The following DPYD variants were observed in gnomAD, a reference collection of about 807,000 sequenced individuals.
DPYD encodes dihydropyrimidine dehydrogenase [NADP(+)].
A neutral mutation model predicts 116.2 loss-of-function variants in DPYD; 109 were observed. That is an observed-to-expected ratio of 0.94 (90% CI 0.80 to 1.10). The LOEUF (loss-of-function observed/expected upper bound fraction) is 1.10, where lower values mean the gene tolerates loss of function less well. DPYD is among the 50% of genes least tolerant of loss of function. The pLI, the probability that DPYD is intolerant of heterozygous loss-of-function variation, is 0.00. For missense variants in DPYD, 1,302 were observed against 1,254.5 expected (o/e 1.04, Z -0.57); for synonymous variants, 440 against 432.0 (o/e 1.02, Z -0.23).
rs530181747 is a variant in DPYD at position 97,804,508 on chromosome 1, T to C, written c.233+23606A>G. On this transcript the variant is annotated intron_variant, in intron 3 of 22. Coordinates refer to ENST00000370192, the MANE Select transcript of DPYD (RefSeq NM_000110.4). ...AACATTTATTTCATAAAACATTAAT[T>C]AGACAAATTCTACAGTGTATTTTGA... Among the ~76,000 whole-genome samples the C allele has an allele frequency of 2.1e-4, 32 of 151,976 alleles. No homozygotes were observed. The South Asian group carries it at 5.2e-3, about 25-fold the overall frequency.
intron 11 of DPYD, among the ~76,000 whole-genome samples, chr1:97,564,583 G>A (rs1015757141): frequency 2.0e-5 from 3 of 152,004 alleles, no homozygotes; most frequent in African/African-American, 7.2e-5. Flanking sequence ...TGCTTCAGTT[G>A]TTCAATAGCA....
intron 3 of DPYD, among the ~76,000 whole-genome samples, chr1:97,819,173 G>T (rs941000559): frequency 6.6e-6 from 1 of 151,918 alleles, no homozygotes; most frequent in Non-Finnish European, 1.5e-5. Context: ...TTCTGTAATA[G>T]AAATGATAAA....
At chr1:97,880,727 A>C (rs539698180) in intron 2 of DPYD, among the ~76,000 whole-genome samples, 29 of 151,950 alleles carry the variant, frequency 1.9e-4, no homozygotes, top group Non-Finnish European at 3.5e-4. Flanking sequence ...TTAATATTTC[A>C]TTTTTTTGTT....
At chr1:97,700,151 A>G (rs1301327540) in intron 5 of DPYD, 3 of 449,828 alleles carry the variant, frequency 6.7e-6, no homozygotes, top group East Asian at 1.4e-4. Context: ...TTAAGTGACC[A>G]GAAGTCACTT....
At chr1:97,614,373 G>A (rs777815499) in intron 8 of DPYD, among the ~76,000 whole-genome samples, 8 of 151,996 alleles carry the variant, frequency 5.3e-5, no homozygotes, top group Non-Finnish European at 1.2e-4. Context: ...ATCAAGTGTT[G>A]CCTTAATAGA....
At chr1:97,647,090 T>C (rs2100832912) in intron 8 of DPYD, among the ~76,000 whole-genome samples, 1 of 152,256 alleles carries the variant, frequency 6.6e-6, no homozygotes, top group South Asian at 2.1e-4. Context: ...TCATCAGCTC[T>C]GGAAGCTCCT....
chr1:97,556,708 G>C (rs1310387268), intron 11 of DPYD, among the ~76,000 whole-genome samples: 1 of 149,466 alleles, frequency 6.7e-6, no homozygotes, highest in African/African-American at 2.4e-5. Flanking sequence ...TGGCTGCATA[G>C]TATTCCATGG....
intron 2 of DPYD, among the ~76,000 whole-genome samples, chr1:97,842,281 T>C (rs1670076276): frequency 1.3e-5 from 2 of 151,994 alleles, no homozygotes; most frequent in Admixed American, 1.3e-4. Context: ...TTGTTATCCT[T>C]GTTAGAATAA....
intron 19 of DPYD, among the ~76,000 whole-genome samples, chr1:97,201,570 A>G (rs1358032126): frequency 6.6e-6 from 1 of 152,190 alleles, no homozygotes; most frequent in East Asian, 1.9e-4. Flanking sequence ...TTTTATAAAA[A>G]TATAGGTTAA....
chr1:97,775,775 A>G (rs1666368334), intron 3 of DPYD, among the ~76,000 whole-genome samples: 1 of 152,158 alleles, frequency 6.6e-6, no homozygotes, highest in Non-Finnish European at 1.5e-5. Flanking sequence ...CAGAAAATTG[A>G]ATGATACCAT....
At chr1:97,160,639 T>C (rs1456636736) in intron 20 of DPYD, among the ~76,000 whole-genome samples, 1 of 152,112 alleles carries the variant, frequency 6.6e-6, no homozygotes, top group East Asian at 1.9e-4. Flanking sequence ...GTACTTAAAA[T>C]TTCTCTTATT....
At chr1:97,857,624 C>T (rs1323891785) in intron 2 of DPYD, among the ~76,000 whole-genome samples, 1 of 152,192 alleles carries the variant, frequency 6.6e-6, no homozygotes, top group African/African-American at 2.4e-5. Context: ...CTCCACACCC[C>T]TTCTTCCGTA....
chr1:97,664,323 T>C (rs966819118), intron 8 of DPYD, among the ~76,000 whole-genome samples: 2 of 151,794 alleles, frequency 1.3e-5, no homozygotes, highest in African/African-American at 4.9e-5. Context: ...TGTGCATATA[T>C]ATGTGTGTAT....
chr1:97,373,872 G>T (rs1288394666), intron 15 of DPYD, among the ~76,000 whole-genome samples: 2 of 152,092 alleles, frequency 1.3e-5, no homozygotes, highest in Non-Finnish European at 2.9e-5. Context: ...CTCATAAGGG[G>T]CCACTCACTG....
chr1:97,503,145 A>G lies in DPYD; in HGVS notation c.1740+12581T>C, dbSNP rs916331554. Among the ~76,000 whole-genome samples the G allele has an allele frequency of 2.6e-5, 4 of 151,992 alleles. No individual in the cohort carries two copies. The South Asian group carries it at 8.3e-4, about 32-fold the overall frequency. ...CTTGTTTTTCTCTTTTCATATTATA[A>G]TACTTAATAAGATAATATTTGTATA... On this transcript the variant is annotated intron_variant, in intron 13 of 22. Coordinates refer to ENST00000370192, the MANE Select transcript of DPYD (RefSeq NM_000110.4).
chr1:97,635,229 T>C (rs756672923), intron 8 of DPYD, among the ~76,000 whole-genome samples: 2 of 152,048 alleles, frequency 1.3e-5, no homozygotes, highest in Non-Finnish European at 2.9e-5. Context: ...GACCGATATA[T>C]ATGCCCACCT....
intron 8 of DPYD, among the ~76,000 whole-genome samples, chr1:97,599,388 T>C (rs756818333): frequency 3.3e-5 from 5 of 152,054 alleles, no homozygotes; most frequent in East Asian, 1.9e-4. Context: ...AGATATTAGA[T>C]GTTCTGTTAC....
intron 20 of DPYD, among the ~76,000 whole-genome samples, chr1:97,158,069 TG>T (rs879634805): frequency 5.3e-5 from 8 of 152,120 alleles, no homozygotes; most frequent in African/African-American, 1.4e-4. Flanking sequence ...AAAATGACCC[TG>T]AAAAGTACAC....
At chr1:97,704,311 T>C (rs2100984438) in intron 5 of DPYD, among the ~76,000 whole-genome samples, 2 of 152,114 alleles carry the variant, frequency 1.3e-5, no homozygotes, top group South Asian at 4.1e-4. Flanking sequence ...TATGAAACTA[T>C]GAAAATTGAA....
Sources: gnomAD v4.1 joint callset for allele counts (sites outside exome capture counted in the v4.1 genomes callset) on GRCh38, gnomAD v4.1.1 for gene constraint, MANE v1.5 for transcripts, NCBI Gene and HGNC (gene_info 2026-07-23, HGNC 2026-07-21) for gene names.